The following ADAT1 variants were observed in gnomAD, a reference collection of about 807,000 sequenced individuals.
ADAT1 encodes the protein adenosine deaminase tRNA specific 1.
ADAT1 carries 58 observed loss-of-function variants against 58.6 expected under a neutral mutation model. The observed-to-expected ratio is 0.99, with a 90% confidence interval of 0.80 to 1.23. The LOEUF is 1.23. ADAT1 is among the 50% of genes most tolerant of loss of function. The pLI, the probability that ADAT1 is intolerant of heterozygous loss-of-function variation, is 0.00. For synonymous variants in ADAT1, 254 were observed against 220.8 expected, an observed-to-expected ratio of 1.15 and a Z score of -1.33; for missense variants, 741 against 608.6, an observed-to-expected ratio of 1.22 and a Z score of -2.29.
At chr16:75,604,474 T>TATATACACACACAC (rs1324943206) in intron 8 of ADAT1, among the ~76,000 whole-genome samples, 9 of 54,022 alleles carry the variant, frequency 1.7e-4, no homozygotes, top group Non-Finnish European at 2.6e-4. Context: ...TATATATATA[T>TATATACACACACAC]ACACACACAC....
intron 5 of ADAT1, among the ~76,000 whole-genome samples, chr16:75,613,553 C>G (rs777179236): frequency 6.6e-6 from 1 of 152,126 alleles, no homozygotes; most frequent in African/African-American, 2.4e-5. Context: ...TCGAGTGATC[C>G]GCCCACCTTG....
chr16:75,614,456 A>T (rs1419988212), intron 5 of ADAT1, among the ~76,000 whole-genome samples: 1 of 152,182 alleles, frequency 6.6e-6, no homozygotes. Context: ...CACTAACCTG[A>T]TGAGTGTTGC....
In ADAT1 at chr16:75,608,955, G is replaced by A. The variant is rs774590134; in HGVS notation, c.1077C>T (p.Phe359=). The change falls in exon 7 of 10, where the codon TTC becomes TTT. Residue 359 remains phenylalanine, a synonymous_variant. Coordinates refer to ENST00000564657, the MANE Select transcript of ADAT1 (RefSeq NM_001324445.2). Reference sequence around the variant, plus strand: ...GCAGTATTTTTAATTCTTGAACTCCGAAGCCTTTTGGTAAAGCAGACACAT... The same window carrying A: ...GCAGTATTTTTAATTCTTGAACTCCAAAGCCTTTTGGTAAAGCAGACACAT... ...CQNVSALPKG[F]GVQELKILQS... 1.4e-5 allele frequency: 22 copies of A among 1,614,144 alleles called. No individual in the cohort carries two copies. Among genetic ancestry groups the A allele is most frequent in the African/African-American group, 2.7e-5 (2 of 75,036 alleles).
intron 1 of ADAT1, among the ~76,000 whole-genome samples, chr16:75,621,866 G>T (rs2081939379): frequency 6.6e-6 from 1 of 152,202 alleles, no homozygotes; most frequent in Non-Finnish European, 1.5e-5. Context: ...AGTAGAAGAT[G>T]AGCTTGTGAT....
chr16:75,610,437 C>T lies in ADAT1; in HGVS notation c.1044-1449G>A, dbSNP rs369399214. On this transcript the variant is annotated intron_variant, in intron 6 of 9. Coordinates refer to ENST00000564657, the MANE Select transcript of ADAT1 (RefSeq NM_001324445.2). ...TCAGCTCCCCATGCAGATGGGACTA[C>T]AAGTGTGTGCCACCACACCTGGCTG... is the stretch of plus-strand genomic sequence containing the variant. Among the ~76,000 whole-genome samples, 7 of 152,148 alleles carry T rather than the reference C, an allele frequency of 4.6e-5. No individual in the cohort carries two copies. The East Asian group carries it at 5.8e-4, about 13-fold the overall frequency.
chr16:75,604,897 C>T (rs1597096292), intron 8 of ADAT1, among the ~76,000 whole-genome samples: 1 of 152,170 alleles, frequency 6.6e-6, no homozygotes, highest in Admixed American at 6.5e-5. Context: ...AACCCTTGGA[C>T]AACACAGGTT....
chr16:75,614,928 A>G (rs1404913388), intron 5 of ADAT1, among the ~76,000 whole-genome samples: 1 of 152,096 alleles, frequency 6.6e-6, no homozygotes, highest in Non-Finnish European at 1.5e-5. Context: ...AAGATCTTTA[A>G]AAATCTCAAT....
At chr16:75,604,075 T>C (rs1442743459) in intron 8 of ADAT1, among the ~76,000 whole-genome samples, 1 of 152,122 alleles carries the variant, frequency 6.6e-6, no homozygotes, top group Non-Finnish European at 1.5e-5. Flanking sequence ...GAGGCCACTT[T>C]AGCATGAAAA....
rs1414221913 is a variant in ADAT1 at position 75,598,894 on chromosome 16, T to A, written c.*1322A>T. On this transcript the variant is annotated 3_prime_UTR_variant, in exon 10 of 10. Coordinates refer to ENST00000564657, the MANE Select transcript of ADAT1 (RefSeq NM_001324445.2). ...AATTATATCTCAATACAACTGTTAT[T>A]TAAAAATATTTATAGCCACAAAATG... 1.0e-6 allele frequency: 1 copy of A among 984,152 alleles called. No individual in the cohort carries two copies. Among genetic ancestry groups the A allele is most frequent in the Non-Finnish European group, 1.2e-6 (1 of 828,984 alleles). 61.0% of individuals were successfully genotyped at this position (984,152 alleles called of 1,614,324 possible).
At chr16:75,613,659 G>C (rs1027869386) in intron 5 of ADAT1, among the ~76,000 whole-genome samples, 1 of 152,124 alleles carries the variant, frequency 6.6e-6, no homozygotes, top group African/African-American at 2.4e-5. Flanking sequence ...CGGCTGTCCT[G>C]TACATTACGG....
At position 75,622,655 on chromosome 16, in the gene ADAT1, A is replaced by C. The variant is rs1328252276; in HGVS notation, c.-274T>G. On this transcript the variant is annotated 5_prime_UTR_variant, in exon 1 of 10. Coordinates refer to ENST00000564657, the MANE Select transcript of ADAT1 (RefSeq NM_001324445.2). The stretch of plus-strand genomic sequence containing the variant: ...GTTTTGCTACACTGGGTCCATTATA[A>C]TTCGAGCCTACACCCCCTCCTAGAT... 6.6e-6 allele frequency: 1 copy of C among 152,116 alleles called. No homozygotes were observed. Among genetic ancestry groups the C allele is most frequent in the Non-Finnish European group, 1.5e-5 (1 of 68,030 alleles). The allele number at this position is 152,116 out of a possible 1,614,324, so 9.4% of individuals were successfully genotyped here. A position where few individuals can be genotyped will look rare whatever the true frequency, so the allele number is the denominator to read the frequency against.
At chr16:75,614,816 G>C (rs188442234) in intron 5 of ADAT1, among the ~76,000 whole-genome samples, 17 of 152,322 alleles carry the variant, frequency 1.1e-4, no homozygotes, top group African/African-American at 1.7e-4. Context: ...TCTCTCTGCA[G>C]ACAAACCATG....
intron 8 of ADAT1, among the ~76,000 whole-genome samples, chr16:75,607,755 G>A (rs1225373794): frequency 1.3e-5 from 2 of 152,052 alleles, no homozygotes; most frequent in African/African-American, 4.8e-5. Flanking sequence ...AAAACATATG[G>A]CCATGCAAAA....
At position 75,603,125 on chromosome 16, in the gene ADAT1, G is replaced by A; in HGVS notation, c.1336C>T (p.Leu446=). Residue 446 remains leucine, a synonymous_variant, in exon 9 of 10, where the codon CTA becomes TTA. Coordinates refer to ENST00000564657, the MANE Select transcript of ADAT1 (RefSeq NM_001324445.2). ...VELFRSFQKL[L]SRIARDKWPH... ...CACTTGTCCCTTGCAATTCTGCTTA[G>A]CAGCTTCTGGAATGATCTGAAGAGT... is the stretch of plus-strand genomic sequence containing the variant. The A allele has an allele frequency of 6.2e-7, 1 of 1,614,138 alleles. No individual in the cohort carries two copies. Among genetic ancestry groups the A allele is most frequent in the Non-Finnish European group, 8.5e-7 (1 of 1,179,984 alleles).
At chr16:75,620,477 GC>G in intron 2 of ADAT1, 143 bp from the exon 3 acceptor site, 1 of 1,388,356 alleles carries the variant, frequency 7.2e-7, no homozygotes, top group Non-Finnish European at 1.0e-6. Context: ...GCGGTCTCCC[GC>G]CATCAGAGGT....
At chr16:75,603,310 G>C (rs1156348308) in intron 8 of ADAT1, 139 bp from the exon 9 acceptor site, 1 of 676,838 alleles carries the variant, frequency 1.5e-6, no homozygotes, top group East Asian at 2.6e-5. Context: ...TTGGTGAGGA[G>C]AAAATCCAGA....
Position 75,598,918 on chromosome 16 carries a change from T to C in ADAT1, c.*1298A>G. 1 of 985,314 alleles carries C rather than the reference T, an allele frequency of 1.0e-6. No individual in the cohort carries two copies. Among genetic ancestry groups the C allele is most frequent in the Non-Finnish European group, 1.2e-6 (1 of 829,886 alleles). 61.0% of individuals were successfully genotyped at this position (985,314 alleles called of 1,614,324 possible). ...TTTAAAAATATTTATAGCCACAAAA[T>C]GCTGAAGAACCAATAAGGACCTTGA... On this transcript the variant is annotated 3_prime_UTR_variant, in exon 10 of 10. Coordinates refer to ENST00000564657, the MANE Select transcript of ADAT1 (RefSeq NM_001324445.2).
chr16:75,607,431 G>A (rs1406646521), intron 8 of ADAT1, among the ~76,000 whole-genome samples: 1 of 151,764 alleles, frequency 6.6e-6, no homozygotes, highest in Admixed American at 6.6e-5. Context: ...GAACCCCAGG[G>A]GCGGAGGTTG....
chr16:75,613,652 C>T (rs994695396), intron 5 of ADAT1, among the ~76,000 whole-genome samples: 1 of 152,134 alleles, frequency 6.6e-6, no homozygotes, highest in Non-Finnish European at 1.5e-5. Flanking sequence ...GCTGTGGCGG[C>T]TGTCCTGTAC....
Sources: allele counts gnomAD v4.1 joint callset (sites outside exome capture counted in the v4.1 genomes callset), GRCh38; gene constraint gnomAD v4.1.1; transcripts MANE v1.5; gene names NCBI Gene and HGNC (gene_info 2026-07-23, HGNC 2026-07-21).